Variants in CDH13 observed in about 807,000 individuals in gnomAD.
CDH13 encodes cadherin 13, also known as cadherin-13.
In CDH13, 24 loss-of-function variants were observed where a neutral mutation model predicts 63.8. The ratio of observed to expected loss-of-function variants is 0.38; its 90% CI spans 0.27 to 0.53. The LOEUF (loss-of-function observed/expected upper bound fraction) is 0.53, where lower values mean the gene tolerates loss of function less well. Among genes scored for constraint, CDH13 ranks in the 20% least tolerant of loss-of-function variants. The probability of loss-of-function intolerance (pLI) is 0.85; values close to 1 mark genes in which losing one functional copy is unlikely to be tolerated. For missense variants in CDH13, 1,049 were observed against 903.1 expected, an observed-to-expected ratio of 1.16 and a Z score of -2.07; for synonymous variants, 503 against 355.3, an observed-to-expected ratio of 1.42 and a Z score of -4.67.
chr16:82,995,578 C>T (rs957071533), intron 2 of CDH13, among the ~76,000 whole-genome samples: 1 of 152,174 alleles, frequency 6.6e-6, no homozygotes, highest in African/African-American at 2.4e-5. Flanking sequence ...CCAACCTAGA[C>T]TCTTAAATAA....
chr16:83,694,778 C>A (rs1377447314), intron 10 of CDH13, among the ~76,000 whole-genome samples: 1 of 152,166 alleles, frequency 6.6e-6, no homozygotes, highest in Non-Finnish European at 1.5e-5. Context: ...AGGCACTCTG[C>A]CCCAATACCT....
chr16:83,449,390 C>A (rs1032635991), intron 6 of CDH13, among the ~76,000 whole-genome samples: 1 of 152,152 alleles, frequency 6.6e-6, no homozygotes, highest in African/African-American at 2.4e-5. Context: ...AAAGGAGAAA[C>A]GGCTCCCTTA....
chr16:83,396,910 A>G (rs955410990), intron 6 of CDH13, among the ~76,000 whole-genome samples: 2 of 152,146 alleles, frequency 1.3e-5, no homozygotes, highest in African/African-American at 2.4e-5. Context: ...GGTAGCTTCT[A>G]TCATTGTCCC....
intron 1 of CDH13, among the ~76,000 whole-genome samples, chr16:82,752,232 A>T (rs1194367452): frequency 6.6e-6 from 1 of 152,246 alleles, no homozygotes; most frequent in Non-Finnish European, 1.5e-5. Context: ...CAATGAATAG[A>T]ATAATAATCG....
At chr16:83,686,107 A>C (rs1322116004) in intron 10 of CDH13, among the ~76,000 whole-genome samples, 1 of 152,232 alleles carries the variant, frequency 6.6e-6, no homozygotes, top group African/African-American at 2.4e-5. Flanking sequence ...GGAGGAAAGC[A>C]CACAAGCAGG....
At chr16:83,588,368 C>A (rs1002339214) in intron 7 of CDH13, among the ~76,000 whole-genome samples, 1 of 152,202 alleles carries the variant, frequency 6.6e-6, no homozygotes, top group Non-Finnish European at 1.5e-5. Context: ...ATCAACATAA[C>A]CGTTTCTTGA....
intron 5 of CDH13, among the ~76,000 whole-genome samples, chr16:83,324,580 C>G (rs553024035): frequency 6.6e-6 from 1 of 152,300 alleles, no homozygotes; most frequent in Admixed American, 6.5e-5. Context: ...GATGTCAGAG[C>G]TTCATCCCAT....
chr16:83,062,962 AT>A (rs61186735), intron 3 of CDH13, among the ~76,000 whole-genome samples: 25,349 of 133,868 alleles, frequency 0.19, 2,581 homozygotes, highest in African/African-American at 0.33. Flanking sequence ...GGTGGTTGGC[AT>A]TTTTTTTTTT....
intron 2 of CDH13, among the ~76,000 whole-genome samples, chr16:82,912,971 A>C (rs967226268): frequency 6.6e-6 from 1 of 152,004 alleles, no homozygotes; most frequent in Non-Finnish European, 1.5e-5. Context: ...TGGTGCTTCA[A>C]AATTGTGTCT....
At chr16:83,528,155 A>G (rs1477756589) in intron 7 of CDH13, among the ~76,000 whole-genome samples, 1 of 152,202 alleles carries the variant, frequency 6.6e-6, no homozygotes, top group African/African-American at 2.4e-5. Context: ...AGCAGTGATA[A>G]CTAAACATAT....
intron 4 of CDH13, among the ~76,000 whole-genome samples, chr16:83,134,257 A>T (rs1446153897): frequency 6.6e-6 from 1 of 152,136 alleles, no homozygotes; most frequent in Non-Finnish European, 1.5e-5. Context: ...CAGTGGCACA[A>T]TCTTGGCTCA....
intron 1 of CDH13, chr16:82,705,348 A>C (rs938169257): frequency 8.5e-6 from 3 of 353,092 alleles, no homozygotes; most frequent in Non-Finnish European, 1.7e-5. Flanking sequence ...GCCCAGAGAT[A>C]TAACAATTAG....
rs142055946 is a variant in CDH13, at chr16:82,664,151, G to A, written c.45+37014G>A. 5.7e-3 allele frequency among the ~76,000 whole-genome samples: 876 copies of A among 152,354 alleles called. 3 individuals carry two copies. The highest frequency in any genetic ancestry group is 0.017 in the African/African-American group (704 of 41,578). ...GGGTTGAGGCAGTGCTCAGCACATA[G>A]TAAGCGCTAAATAAATGTTAGCTTT... is the stretch of plus-strand genomic sequence containing the variant. On this transcript the variant is annotated intron_variant, in intron 1 of 13. Transcript: ENST00000567109.
At chr16:82,642,111 A>T (rs1319274847) in intron 1 of CDH13, among the ~76,000 whole-genome samples, 1 of 151,184 alleles carries the variant, frequency 6.6e-6, no homozygotes, top group Non-Finnish European at 1.5e-5. Context: ...AAAAAAAAAA[A>T]AGTGGTGCTT....
chr16:83,248,063 A>G (rs1403495709), intron 5 of CDH13, among the ~76,000 whole-genome samples: 2 of 152,112 alleles, frequency 1.3e-5, no homozygotes, highest in African/African-American at 2.4e-5. Context: ...ATGTTTTCTG[A>G]TTTCTGAGGG....
At chr16:83,417,610 C>A (rs1245395840) in intron 6 of CDH13, among the ~76,000 whole-genome samples, 2 of 152,160 alleles carry the variant, frequency 1.3e-5, no homozygotes, top group Non-Finnish European at 2.9e-5. Flanking sequence ...CAAACAAACA[C>A]TTCAGCAGGC....
intron 2 of CDH13, among the ~76,000 whole-genome samples, chr16:82,924,552 T>G (rs1284703783): frequency 6.6e-6 from 1 of 152,220 alleles, no homozygotes; most frequent in Non-Finnish European, 1.5e-5. Context: ...ACTTCCTATC[T>G]GTGTTGTCAA....
intron 5 of CDH13, among the ~76,000 whole-genome samples, chr16:83,277,832 A>G (rs1005916825): frequency 1.3e-5 from 2 of 152,274 alleles, no homozygotes; most frequent in Admixed American, 6.5e-5. Flanking sequence ...TAATTTGGTA[A>G]TCTTTTTAGG....
At chr16:83,622,527 C>A (rs1291574737) in intron 8 of CDH13, among the ~76,000 whole-genome samples, 1 of 152,180 alleles carries the variant, frequency 6.6e-6, no homozygotes, top group African/African-American at 2.4e-5. Context: ...TTAAAATCTT[C>A]CTGCATCACC....
Sources: gnomAD v4.1 joint callset for allele counts (sites outside exome capture counted in the v4.1 genomes callset) on GRCh38, gnomAD v4.1.1 for gene constraint, MANE v1.5 for transcripts, NCBI Gene and HGNC (gene_info 2026-07-23, HGNC 2026-07-21) for gene names.